PAK4: variants seen among roughly 807,000 people sequenced by gnomAD.
PAK4 encodes serine/threonine-protein kinase PAK 4.
PAK4 carries 49 observed loss-of-function variants against 53.5 expected under a neutral mutation model. The ratio of observed to expected loss-of-function variants is 0.92; its 90% confidence interval spans 0.73 to 1.16. The LOEUF (loss-of-function observed/expected upper bound fraction) is 1.16. PAK4 is among the 50% of genes most tolerant of loss of function. PAK4 has a pLI of 0.00. For missense variants in PAK4, 824 were observed against 850.7 expected (o/e 0.97, Z 0.39); for synonymous variants, 376 against 375.6 (o/e 1.00, Z -0.01).
chr19:39,163,624 T>G (rs1219434491), intron 1 of PAK4, among the ~76,000 whole-genome samples: 2 of 152,204 alleles, frequency 1.3e-5, no homozygotes, highest in African/African-American at 4.8e-5. Context: ...TGTTAAAGAA[T>G]TCAAAAGATT....
chr19:39,169,336 G>A (rs1241976013), intron 1 of PAK4, among the ~76,000 whole-genome samples, 196 bp from the exon 3 acceptor site: 1 of 152,066 alleles, frequency 6.6e-6, no homozygotes, highest in Non-Finnish European at 1.5e-5. Context: ...GGACGTGACC[G>A]CTCGGGTGCT....
At chr19:39,159,995 C>T (rs1030103472) in intron 1 of PAK4, among the ~76,000 whole-genome samples, 4 of 152,234 alleles carry the variant, frequency 2.6e-5, no homozygotes, top group Non-Finnish European at 2.9e-5. Flanking sequence ...TGCCAGGATA[C>T]GCTGCCACTT....
chr19:39,173,472 C>G lies in PAK4; in HGVS notation c.663+96C>G. 7.4e-7 allele frequency: 1 copy of G among 1,343,430 alleles called. No individual in the cohort carries two copies. Among genetic ancestry groups the G allele is most frequent in the South Asian group, 1.4e-5 (1 of 69,308 alleles). The allele number at this position is 1,343,430 out of a possible 1,614,324, so 83.2% of individuals were successfully genotyped here. On this transcript the variant is annotated intron_variant, in intron 3 of 8. Transcript: ENST00000358301. This position sits in a 1 kb window ranked among gnomAD's most constrained non-coding sequence, Gnocchi z 6.9. Reference sequence around the variant, plus strand: ...CCGCCCCACCACCGTGCATCTCATCCTGACCACCCATGTGTCTGTCCCATC... The same window carrying G: ...CCGCCCCACCACCGTGCATCTCATCGTGACCACCCATGTGTCTGTCCCATC...
chr19:39,167,687 C>A (rs183726234), intron 1 of PAK4, among the ~76,000 whole-genome samples: 4 of 152,130 alleles, frequency 2.6e-5, no homozygotes, highest in Non-Finnish European at 5.9e-5. Context: ...GCCCCCACCC[C>A]CCTCCCACGG....
intron 1 of PAK4, among the ~76,000 whole-genome samples, chr19:39,138,275 A>G (rs972400394): frequency 6.8e-6 from 1 of 147,330 alleles, no homozygotes; most frequent in South Asian, 2.1e-4. Context: ...CTAGTCTCAA[A>G]CTCCTGAGCT....
intron 1 of PAK4, among the ~76,000 whole-genome samples, chr19:39,143,624 G>A (rs199633095): frequency 0.054 from 2,670 of 49,794 alleles, 32 homozygotes; most frequent in East Asian, 0.24. Context: ...AAAAAAAAAA[G>A]AATTGTTGAG....
intron 1 of PAK4, among the ~76,000 whole-genome samples, chr19:39,160,710 C>A (rs2074270559): frequency 6.6e-6 from 1 of 152,186 alleles, no homozygotes; most frequent in Non-Finnish European, 1.5e-5. Flanking sequence ...CCCTCCCAGT[C>A]AGGGCCGTGT....
At chr19:39,146,962 G>A (rs1287211585) in intron 1 of PAK4, among the ~76,000 whole-genome samples, 2 of 151,944 alleles carry the variant, frequency 1.3e-5, no homozygotes, top group African/African-American at 2.4e-5. Flanking sequence ...AATACAGAGA[G>A]GAGGTCTGGC....
Position 39,173,456 on chromosome 19 carries a change from C to A in PAK4, c.663+80C>A, listed in dbSNP as rs982100530. On this transcript the variant is annotated intron_variant, in intron 3 of 8. Coordinates refer to ENST00000358301, the Ensembl canonical transcript of PAK4. This position sits in a 1 kb window ranked among gnomAD's most constrained non-coding sequence, Gnocchi z 6.9. ...TCCCCACCTTCCAGCCCCGCCCCAC[C>A]ACCGTGCATCTCATCCTGACCACCC... The A allele has an allele frequency of 7.4e-7, 1 of 1,345,192 alleles. No homozygotes were observed. The highest frequency in any genetic ancestry group is 1.0e-6 in the Non-Finnish European group (1 of 993,742). 83.3% of individuals were successfully genotyped at this position (1,345,192 alleles called of 1,614,324 possible).
chr19:39,130,641 T>G (rs1432373513), intron 1 of PAK4, among the ~76,000 whole-genome samples: 3 of 151,508 alleles, frequency 2.0e-5, no homozygotes, highest in Non-Finnish European at 2.9e-5. Context: ...AAAGAGCAGT[T>G]AAAGAAATAC....
intron 1 of PAK4, among the ~76,000 whole-genome samples, chr19:39,143,466 G>A (rs984726322): frequency 7.9e-5 from 12 of 151,416 alleles, no homozygotes; most frequent in Non-Finnish European, 1.8e-4. Context: ...GGTGGCAGGT[G>A]CCTGTAATCC....
chr19:39,162,470 G>A (rs2074300710), intron 1 of PAK4, among the ~76,000 whole-genome samples: 1 of 151,998 alleles, frequency 6.6e-6, no homozygotes, highest in Admixed American at 6.6e-5. Context: ...GTCTCACTAG[G>A]TTGCCCAAGC....
intron 1 of PAK4, among the ~76,000 whole-genome samples, chr19:39,137,357 C>A (rs2073833986): frequency 6.6e-6 from 1 of 152,022 alleles, no homozygotes; most frequent in Non-Finnish European, 1.5e-5. Flanking sequence ...GGAAGCTCTT[C>A]AGGGTGATGA....
chr19:39,179,709 C>T (rs779647779), downstream of PAK4: 6 of 152,230 alleles, frequency 3.9e-5, no homozygotes, highest in African/African-American at 9.6e-5. Context: ...GTCTTGAGCG[C>T]GTTTGGTGAG....
Position 39,175,044 on chromosome 19 carries a change from C to G in PAK4, c.1212C>G (p.Thr404=). Reference sequence around the variant, plus strand: ...AGTTCCTGGAAGGAGGCGCCCTCACCGACATCGTCACCCACACCAGGTATT... The same window carrying G: ...AGTTCCTGGAAGGAGGCGCCCTCACGGACATCGTCACCCACACCAGGTATT... Residue 404 remains threonine (T), a synonymous_variant, in exon 5 of 9, where the codon ACC becomes ACG. Transcript: ENST00000358301. The surrounding 1 kb of genome is among the most constrained non-coding windows in gnomAD (Gnocchi z 4.7). The G allele has an allele frequency of 6.2e-7, 1 of 1,612,426 alleles. No individual in the cohort carries two copies.
intron 1 of PAK4, among the ~76,000 whole-genome samples, chr19:39,155,918 T>G (rs572269709): frequency 6.6e-6 from 1 of 152,350 alleles, no homozygotes; most frequent in East Asian, 1.9e-4. Flanking sequence ...GCCCAGAATA[T>G]GGCCTTGTCA....
chr19:39,176,003 A>G (rs1455733608), intron 6 of PAK4, among the ~76,000 whole-genome samples: 1 of 152,210 alleles, frequency 6.6e-6, no homozygotes, highest in Non-Finnish European at 1.5e-5. Context: ...GAAAATCTCC[A>G]GATGTCTATA....
At position 39,178,628 on chromosome 19, in the gene PAK4, C is replaced by T; in HGVS notation, c.*49C>T. ...CAAAGAGCCCCCCGGGTCACCCCCG[C>T]CCCACTGAGGCCAGTAGGGGGCCAG... is the stretch of plus-strand genomic sequence containing the variant. On this transcript the variant is annotated 3_prime_UTR_variant, in exon 9 of 9. Transcript: ENST00000358301. The surrounding 1 kb of genome is among the most constrained non-coding windows in gnomAD (Gnocchi z 4.4). The T allele has an allele frequency of 6.6e-7, 1 of 1,509,538 alleles. No homozygotes were observed. The highest frequency in any genetic ancestry group is 9.0e-7 in the Non-Finnish European group (1 of 1,115,676). The allele number at this position is 1,509,538 out of a possible 1,614,324, so 93.5% of individuals were successfully genotyped here. A position where few individuals can be genotyped will look rare whatever the true frequency, so the allele number is the denominator to read the frequency against.
intron 1 of PAK4, among the ~76,000 whole-genome samples, chr19:39,158,740 C>G (rs73551752): frequency 0.019 from 2,822 of 152,234 alleles, 89 homozygotes; most frequent in African/African-American, 0.065. Context: ...GCTGGGCAAG[C>G]CTGGGGACAC....
Sources: gnomAD v4.1 joint callset for allele counts (sites outside exome capture counted in the v4.1 genomes callset) on GRCh38, gnomAD v4.1.1 for gene constraint, Gnocchi (gnomAD v3.1) non-coding constraint, MANE v1.5 for transcripts, NCBI Gene and HGNC (gene_info 2026-07-23, HGNC 2026-07-21) for gene names.